The following TRAPPC9 variants were observed in gnomAD, a reference collection of about 807,000 sequenced individuals.
The protein encoded by TRAPPC9 is trafficking protein particle complex subunit 9.
TRAPPC9 carries 83 observed loss-of-function variants against 124.0 expected under a neutral mutation model. The observed-to-expected ratio is 0.67, with a 90% CI of 0.56 to 0.80. The LOEUF is 0.80. Ranked by LOEUF, TRAPPC9 falls within the 30% of genes least tolerant of loss-of-function variation. The pLI is 0.00. For missense variants in TRAPPC9, 1,302 were observed against 1,508.3 expected (o/e 0.86, Z 2.27); for synonymous variants, 638 against 617.5 (o/e 1.03, Z -0.49).
intron 18 of TRAPPC9, among the ~76,000 whole-genome samples, chr8:140,017,876 T>C (rs7838216): frequency 0.77 from 117,864 of 152,108 alleles, 46,480 homozygotes; most frequent in African/African-American, 0.93. Flanking sequence ...CAGAGTCTCG[T>C]TCTGTTGCCC....
At chr8:139,993,429 T>C (rs894717114) in intron 18 of TRAPPC9, among the ~76,000 whole-genome samples, 1 of 152,204 alleles carries the variant, frequency 6.6e-6, no homozygotes, top group Non-Finnish European at 1.5e-5. Flanking sequence ...GGTCAAGCTA[T>C]AGATCAACAG....
chr8:139,898,993 G>T (rs1830842518), intron 20 of TRAPPC9, among the ~76,000 whole-genome samples: 2 of 151,786 alleles, frequency 1.3e-5, no homozygotes, highest in South Asian at 4.2e-4. Context: ...GGTGGTGGGT[G>T]CCTGTCATCA....
intron 17 of TRAPPC9, among the ~76,000 whole-genome samples, chr8:140,042,008 G>C (rs1037509611): frequency 3.3e-5 from 5 of 152,074 alleles, no homozygotes; most frequent in Non-Finnish European, 4.4e-5. Context: ...ATCAATGAAA[G>C]AAGCACAACA....
intron 17 of TRAPPC9, among the ~76,000 whole-genome samples, chr8:140,147,361 A>G (rs2061478567): frequency 6.6e-6 from 1 of 152,224 alleles, no homozygotes; most frequent in African/African-American, 2.4e-5. Context: ...GAGTGAGGGC[A>G]GCACAAACGC....
At chr8:139,938,531 C>T (rs1053264561) in intron 19 of TRAPPC9, among the ~76,000 whole-genome samples, 3 of 152,024 alleles carry the variant, frequency 2.0e-5, no homozygotes, top group African/African-American at 4.8e-5. Context: ...GTGATCCTCC[C>T]GCCTCGGCCT....
intron 18 of TRAPPC9, among the ~76,000 whole-genome samples, chr8:140,012,169 G>A (rs1554606502): frequency 6.6e-6 from 1 of 152,136 alleles, no homozygotes; most frequent in Non-Finnish European, 1.5e-5. Context: ...GAAGTGGGGG[G>A]AAAAAACGTA....
chr8:139,858,667 A>G (rs56818784), intron 21 of TRAPPC9, among the ~76,000 whole-genome samples: 4,239 of 152,132 alleles, frequency 0.028, 181 homozygotes, highest in African/African-American at 0.096. Context: ...CCCCTCCCCA[A>G]GAGTCTGCTC....
chr8:140,162,225 C>G (rs1436722904), intron 17 of TRAPPC9, among the ~76,000 whole-genome samples: 1 of 152,136 alleles, frequency 6.6e-6, no homozygotes, highest in East Asian at 1.9e-4. Flanking sequence ...CACAGCCTGC[C>G]ACCCTGCTTC....
chr8:139,869,772 A>G (rs1432804698), intron 21 of TRAPPC9, among the ~76,000 whole-genome samples: 2 of 152,226 alleles, frequency 1.3e-5, no homozygotes, highest in Admixed American at 6.5e-5. Context: ...AAACAAAACA[A>G]AGTAATTACC....
chr8:140,224,268 T>C (rs1485686258), intron 16 of TRAPPC9, among the ~76,000 whole-genome samples: 4 of 151,674 alleles, frequency 2.6e-5, no homozygotes, highest in Admixed American at 6.6e-5. Context: ...TGAGAACAGC[T>C]AGAAAACATG....
intron 14 of TRAPPC9, among the ~76,000 whole-genome samples, chr8:140,277,050 G>A (rs570777281): frequency 5.9e-5 from 9 of 152,248 alleles, no homozygotes; most frequent in Admixed American, 3.3e-4. Context: ...CCCTGCTCCC[G>A]GTCACAGCAC....
intron 9 of TRAPPC9, among the ~76,000 whole-genome samples, chr8:140,354,196 G>A (rs750133902): frequency 1.3e-5 from 2 of 152,178 alleles, no homozygotes; most frequent in African/African-American, 2.4e-5. Context: ...GAATCCCTCT[G>A]CCCTTTTAAG....
chr8:140,405,191 G>C (rs2132429957), intron 6 of TRAPPC9: 1 of 165,546 alleles, frequency 6.0e-6, no homozygotes, highest in Admixed American at 6.1e-5. Context: ...ATTATGCCTT[G>C]GAAGATTTCA....
intron 7 of TRAPPC9, among the ~76,000 whole-genome samples, chr8:140,392,892 C>G (rs749410937): frequency 3.9e-5 from 6 of 152,204 alleles, no homozygotes; most frequent in Non-Finnish European, 7.3e-5. Flanking sequence ...TTTGATACAA[C>G]CAGTGAGCCG....
chr8:140,363,620 G>A (rs567935177), intron 8 of TRAPPC9, among the ~76,000 whole-genome samples: 93 of 149,868 alleles, frequency 6.2e-4, no homozygotes, highest in African/African-American at 1.3e-3. Flanking sequence ...TTTTTGAAAC[G>A]GAGTTTCACT....
chr8:139,851,955 C>T (rs967630915), intron 21 of TRAPPC9, among the ~76,000 whole-genome samples: 13 of 152,228 alleles, frequency 8.5e-5, no homozygotes, highest in African/African-American at 1.2e-4. Context: ...GAATGAAGGA[C>T]GTCTCTGATA....
chr8:140,131,384 C>T (rs1330567770), intron 17 of TRAPPC9, among the ~76,000 whole-genome samples: 2 of 152,208 alleles, frequency 1.3e-5, no homozygotes, highest in African/African-American at 2.4e-5. Context: ...AATTTTAACA[C>T]GATCACCATC....
At chr8:139,732,404 T>C (rs1186136437) in intron 21 of TRAPPC9, among the ~76,000 whole-genome samples, 3 of 152,112 alleles carry the variant, frequency 2.0e-5, no homozygotes, top group Non-Finnish European at 4.4e-5. Context: ...AAGACGGGTG[T>C]GGTGGCTAGA....
At chr8:139,915,698 G>C (rs925300864) in intron 19 of TRAPPC9, among the ~76,000 whole-genome samples, 1 of 152,226 alleles carries the variant, frequency 6.6e-6, no homozygotes, top group African/African-American at 2.4e-5. Flanking sequence ...CATCAGGGCA[G>C]AGACATCTTC....
Sources: gnomAD v4.1 joint callset for allele counts (sites outside exome capture counted in the v4.1 genomes callset) on GRCh38, gnomAD v4.1.1 for gene constraint, MANE v1.5 for transcripts, NCBI Gene and HGNC (gene_info 2026-07-23, HGNC 2026-07-21) for gene names.